The following SLC7A13 variants were observed in gnomAD, a reference collection of about 807,000 sequenced individuals.
SLC7A13 encodes the protein X-amino acid transporter 2.
A neutral mutation model predicts 32.0 loss-of-function variants in SLC7A13; 31 were observed. That is an observed-to-expected ratio of 0.97 (90% CI 0.73 to 1.31). The LOEUF (loss-of-function observed/expected upper bound fraction) is 1.31, where lower values mean the gene tolerates loss of function less well. Ranked by LOEUF, SLC7A13 falls within the 50% of genes most tolerant of loss-of-function variation. SLC7A13 has a pLI of 0.00. For synonymous variants in SLC7A13, 232 were observed against 206.9 expected, an observed-to-expected ratio of 1.12 and a Z score of -1.04; for missense variants, 633 against 546.9, an observed-to-expected ratio of 1.16 and a Z score of -1.57.
At chr8:86,220,430 A>G in intron 2 of SLC7A13, among the ~76,000 whole-genome samples, 1 of 152,156 alleles carries the variant, frequency 6.6e-6, no homozygotes. Flanking sequence ...TTCCTAAGAG[A>G]AAAATAGGTG....
At chr8:86,219,792 G>A (rs764482675) in intron 2 of SLC7A13, among the ~76,000 whole-genome samples, 88 of 152,074 alleles carry the variant, frequency 5.8e-4, no homozygotes, top group Middle Eastern at 3.4e-3. Flanking sequence ...TGTTTTATTT[G>A]TAGCTTATTT....
At position 86,229,868 on chromosome 8, in the gene SLC7A13, A is replaced by G; in HGVS notation, c.410T>C (p.Leu137Pro). The change falls in exon 1 of 4, where the codon CTG (leucine) becomes CCG (proline). Residue 137 changes from leucine to proline, a missense_variant. Coordinates refer to ENST00000297524, the MANE Select transcript of SLC7A13 (RefSeq NM_138817.3). The stretch of plus-strand genomic sequence containing the variant: ...TACAATCCACAACATGGCCAATGCC[A>G]GACATTTCTTAGGCAGCTTTGGGAC... ...CSVPKLPKKC[L>P]ALAMLWIVGI... is the part of the protein sequence containing the mutation. 1 of 1,614,220 alleles carries G rather than the reference A, an allele frequency of 6.2e-7. No homozygotes were observed. The highest frequency in any genetic ancestry group is 8.5e-7 in the Non-Finnish European group (1 of 1,180,050).
intron 1 of SLC7A13, among the ~76,000 whole-genome samples, chr8:86,228,467 T>C (rs544443094): frequency 6.6e-6 from 1 of 152,292 alleles, no homozygotes; most frequent in African/African-American, 2.4e-5. Context: ...CTCAAACTCC[T>C]GGGCTCAAGC....
At chr8:86,222,113 A>G (rs1373062481) in intron 2 of SLC7A13, among the ~76,000 whole-genome samples, 2 of 152,116 alleles carry the variant, frequency 1.3e-5, no homozygotes, top group Non-Finnish European at 2.9e-5. Flanking sequence ...GGGCAGTAAC[A>G]TAAGAATTGA....
At chr8:86,229,350 C>A (rs1336357112) in intron 1 of SLC7A13, among the ~76,000 whole-genome samples, 2 of 152,134 alleles carry the variant, frequency 1.3e-5, no homozygotes, top group African/African-American at 4.8e-5. Context: ...AGTCCCATAC[C>A]TGTGGTCCCA....
In SLC7A13 at chr8:86,230,362, T is replaced by G. The variant is rs1267918015; in HGVS notation, c.-85A>C. On this transcript the variant is annotated 5_prime_UTR_variant, in exon 1 of 4. Coordinates refer to ENST00000297524, the MANE Select transcript of SLC7A13 (RefSeq NM_138817.3). The stretch of plus-strand genomic sequence containing the variant: ...GTAGCTGCAAAGGATGTTGATGGAT[T>G]CCTGAAATAAAATAATTCTGTCCTT... 4.1e-6 allele frequency: 5 copies of G among 1,215,862 alleles called. No individual in the cohort carries two copies. In the African/African-American group the frequency reaches 7.7e-5, roughly 19 times the overall value. 75.3% of individuals were successfully genotyped at this position (1,215,862 alleles called of 1,614,324 possible).
chr8:86,222,420 T>C (rs1285768266), intron 2 of SLC7A13, among the ~76,000 whole-genome samples: 1 of 152,198 alleles, frequency 6.6e-6, no homozygotes, highest in African/African-American at 2.4e-5. Context: ...ATTTGGTCTC[T>C]AAGATAGCTA....
At chr8:86,229,546 A>T in intron 1 of SLC7A13, 47 bp downstream of exon 1, 1 of 1,431,812 alleles carries the variant, frequency 7.0e-7, no homozygotes, top group Non-Finnish European at 9.6e-7. Flanking sequence ...TTCATATTGT[A>T]TGCAATAAGT....
At position 86,229,603 on chromosome 8, in the gene SLC7A13, T is replaced by A; in HGVS notation, c.675A>T (p.Thr225=). 1 of 1,613,188 alleles carries A rather than the reference T, an allele frequency of 6.2e-7. No homozygotes were observed. The highest frequency in any genetic ancestry group is 1.1e-5 in the South Asian group (1 of 90,982). Residue 225 remains threonine (T), a synonymous_variant, in exon 1 of 4, where the codon ACA becomes ACT. Coordinates refer to ENST00000297524, the MANE Select transcript of SLC7A13 (RefSeq NM_138817.3). Reference sequence around the variant, plus strand: ...TCAATGGATTGTTACCTGCTATAAGTGTAAAGCATGCCCCGCCTGAATATG... The same window carrying A: ...TCAATGGATTGTTACCTGCTATAAGAGTAAAGCATGCCCCGCCTGAATATG... The part of the protein sequence containing the change: ...YFAYSGGACF[T]LIAGELKKPR...
chr8:86,218,888 T>TCCTTGGAGCC (rs1327040124), intron 2 of SLC7A13, among the ~76,000 whole-genome samples: 2 of 152,112 alleles, frequency 1.3e-5, no homozygotes, highest in African/African-American at 2.4e-5. Flanking sequence ...GGGGTAGATG[T>TCCTTGGAGCC]CCTTGGAGCC....
At chr8:86,220,547 T>A (rs1284290097) in intron 2 of SLC7A13, among the ~76,000 whole-genome samples, 1 of 152,182 alleles carries the variant, frequency 6.6e-6, no homozygotes, top group Non-Finnish European at 1.5e-5. Flanking sequence ...CTAATATTTA[T>A]CGCAGCCTGG....
rs754677943 is a variant in SLC7A13, at chr8:86,230,136, C to G, written c.142G>C (p.Val48Leu). ...CAGCCAGCCCAAACGCACAGGGAGA[C>G]TCCCACGTTCATGCAAGAGTATGCC... ...VLAYSCMNVG[V>L]SLCVWAGCAI... Residue 48 changes from valine (V) to leucine (L), a missense_variant, in exon 1 of 4, where the codon GTC (valine) becomes CTC (leucine). By Grantham distance (32) the Val-to-Leu change is conservative. Coordinates refer to ENST00000297524, the MANE Select transcript of SLC7A13 (RefSeq NM_138817.3). 17 of 1,614,078 alleles carry G rather than the reference C, an allele frequency of 1.1e-5. No individual in the cohort carries two copies. In the Admixed American group the frequency reaches 2.2e-4, roughly 21 times the overall value.
At position 86,217,552 on chromosome 8, in the gene SLC7A13, G is replaced by A. The variant is rs374838146; in HGVS notation, c.1097C>T (p.Thr366Met). 8.6e-5 allele frequency: 138 copies of A among 1,612,170 alleles called. No individual in the cohort carries two copies. Among genetic ancestry groups the A allele is most frequent in the South Asian group, 4.5e-4 (41 of 90,822 alleles). The change falls in exon 3 of 4, where the codon ACG (threonine) becomes ATG (methionine). Residue 366 changes from threonine to methionine, a missense_variant. By Grantham distance (81) the Thr-to-Met change is moderately conservative. Transcript: ENST00000297524. ...TAATAATATAGACCATAATGAACCC[G>A]TGAAAAAAATATAGTTTATCAAATC... ...LIDLINYIFF[T>M]GSLWSILLMI...
At position 86,217,723 on chromosome 8, in the gene SLC7A13, T is replaced by C; in HGVS notation, c.926A>G (p.Lys309Arg). The change falls in exon 3 of 4, where the codon AAA (lysine) becomes AGA (arginine). Residue 309 changes from lysine to arginine, a missense_variant. Lys to Arg is a conservative substitution (Grantham distance 26). Transcript: ENST00000297524. Reference sequence around the variant, plus strand: ...TGCAAGATATATTGGTCTCGATGATTTAAATATAGAAATCAGAAGGTTGCT... The same window carrying C: ...TGCAAGATATATTGGTCTCGATGATCTAAATATAGAAATCAGAAGGTTGCT... ...LFSNLLISIF[K>R]SSRPIYLASQ... The C allele has an allele frequency of 6.2e-7, 1 of 1,613,370 alleles. No individual in the cohort carries two copies.
chr8:86,227,704 G>T (rs1201363668), intron 1 of SLC7A13, among the ~76,000 whole-genome samples: 1 of 152,136 alleles, frequency 6.6e-6, no homozygotes, highest in Admixed American at 6.6e-5. Flanking sequence ...ATCAATGCAT[G>T]ACTGGATTTT....
intron 2 of SLC7A13, among the ~76,000 whole-genome samples, chr8:86,222,146 T>C (rs758057720): frequency 3.3e-5 from 5 of 152,136 alleles, no homozygotes; most frequent in Non-Finnish European, 7.4e-5. Flanking sequence ...CAGAATTTTA[T>C]ATCAAAATCT....
intron 2 of SLC7A13, among the ~76,000 whole-genome samples, chr8:86,220,363 G>C (rs1399162955): frequency 6.6e-6 from 1 of 152,020 alleles, no homozygotes; most frequent in Non-Finnish European, 1.5e-5. Context: ...CCTTTTTCTA[G>C]AAGAACACCC....
intron 2 of SLC7A13, 88 bp downstream of exon 2, chr8:86,222,884 C>A: frequency 7.9e-7 from 1 of 1,266,146 alleles, no homozygotes; most frequent in Non-Finnish European, 1.1e-6. Context: ...GAATAATGAA[C>A]AGTAAACAGT....
chr8:86,214,772 G>T, intron 3 of SLC7A13, 126 bp from the exon 4 acceptor site: 1 of 700,366 alleles, frequency 1.4e-6, no homozygotes, highest in South Asian at 2.1e-5. Flanking sequence ...TAGCTGTAAA[G>T]TTGAATAAAT....
Sources: gnomAD v4.1 joint callset for allele counts (sites outside exome capture counted in the v4.1 genomes callset) on GRCh38, gnomAD v4.1.1 for gene constraint, MANE v1.5 for transcripts, NCBI Gene and HGNC (gene_info 2026-07-23, HGNC 2026-07-21) for gene names.